Variants in TTC3 observed in about 807,000 individuals in gnomAD.
TTC3 encodes tetratricopeptide repeat domain 3, also known as E3 ubiquitin-protein ligase TTC3.
TTC3 carries 180 observed loss-of-function variants against 249.6 expected under a neutral mutation model. That is an observed-to-expected ratio of 0.72 (90% CI 0.64 to 0.82). The LOEUF (loss-of-function observed/expected upper bound fraction) is 0.82. Among genes scored for constraint, TTC3 ranks in the 40% least tolerant of loss-of-function variants. TTC3 has a pLI of 0.00. For synonymous variants in TTC3, 717 were observed against 805.0 expected, an observed-to-expected ratio of 0.89 and a Z score of 1.85; for missense variants, 2,061 against 2,398.4, an observed-to-expected ratio of 0.86 and a Z score of 2.94.
chr21:37,082,541 T>A, intron 1 of TTC3: 1 of 985,410 alleles, frequency 1.0e-6, no homozygotes, highest in Non-Finnish European at 1.2e-6. Flanking sequence ...TACATTTTGC[T>A]TCTGGCCCAG....
At chr21:37,100,316 AAAAC>A (rs796370128) in intron 10 of TTC3, among the ~76,000 whole-genome samples, 78 of 152,374 alleles carry the variant, frequency 5.1e-4, no homozygotes, top group African/African-American at 1.8e-3. Context: ...GATAAAAAGT[AAAAC>A]AAAATGTAAT....
chr21:37,158,221 C>A, intron 28 of TTC3: 1 of 985,280 alleles, frequency 1.0e-6, no homozygotes, highest in Non-Finnish European at 1.2e-6. Flanking sequence ...AATGCTGTCC[C>A]GGGACTGAGC....
intron 29 of TTC3, among the ~76,000 whole-genome samples, chr21:37,160,277 C>A (rs1355287137): frequency 6.6e-6 from 1 of 152,104 alleles, no homozygotes; most frequent in Non-Finnish European, 1.5e-5. Flanking sequence ...GAGAAAAATG[C>A]CTGTTTACTG....
chr21:37,124,761 T>C lies in TTC3; in HGVS notation c.1233+19T>C, dbSNP rs1394574549. ...TCTAAAGGTAAGCTCCATTGAAAAC[T>C]ACAGTTTTTTTCAAGGATAGATAGT... is the stretch of plus-strand genomic sequence containing the variant. On this transcript the variant is annotated intron_variant, in intron 14 of 45. Coordinates refer to ENST00000355666, the Ensembl canonical transcript of TTC3. The C allele has an allele frequency of 6.2e-7, 1 of 1,605,820 alleles. No homozygotes were observed. The highest frequency in any genetic ancestry group is 8.5e-7 in the Non-Finnish European group (1 of 1,178,338).
chr21:37,123,527 T>C (rs560528941), intron 13 of TTC3, among the ~76,000 whole-genome samples: 1 of 152,310 alleles, frequency 6.6e-6, no homozygotes, highest in African/African-American at 2.4e-5. Flanking sequence ...AAGAAAGCAA[T>C]AGCAGCCAGG....
intron 10 of TTC3, 160 bp from the exon 11 acceptor site, chr21:37,108,232 A>G: frequency 1.8e-6 from 1 of 559,092 alleles, no homozygotes; most frequent in South Asian, 3.8e-5. Flanking sequence ...GTATTTTCCA[A>G]ATTTCCTATA....
At chr21:37,076,505 C>T (rs578122134) in intron 1 of TTC3, among the ~76,000 whole-genome samples, 1 of 152,104 alleles carries the variant, frequency 6.6e-6, no homozygotes, top group Non-Finnish European at 1.5e-5. Flanking sequence ...GAATCAGTTT[C>T]TAGATCATTA....
intron 1 of TTC3, chr21:37,086,889 T>G (rs1427138453): frequency 5.4e-6 from 1 of 185,870 alleles, no homozygotes; most frequent in Non-Finnish European, 1.1e-5. Context: ...AAGATGTCTT[T>G]TCTTCATTCA....
chr21:37,112,701 A>G (rs2075780648), intron 11 of TTC3, among the ~76,000 whole-genome samples: 1 of 152,176 alleles, frequency 6.6e-6, no homozygotes. Flanking sequence ...TGAAGCCAGC[A>G]TCATCCTGAT....
At chr21:37,188,616 T>C in intron 39 of TTC3, 21 bp downstream of exon 39, 1 of 1,587,846 alleles carries the variant, frequency 6.3e-7, no homozygotes, top group African/African-American at 1.3e-5. Flanking sequence ...TTCGTGGGTG[T>C]TCTCAGCACG....
chr21:37,086,955 A>G (rs1236560177), intron 1 of TTC3: 1 of 294,922 alleles, frequency 3.4e-6, no homozygotes, highest in East Asian at 6.4e-5. Flanking sequence ...GATAAATAAG[A>G]TGCCCTTGAT....
intron 11 of TTC3, among the ~76,000 whole-genome samples, chr21:37,112,260 G>A (rs142044234): frequency 0.027 from 4,169 of 152,234 alleles, 81 homozygotes; most frequent in Middle Eastern, 0.044. Context: ...CCAGGAGCTG[G>A]TTTTCTGAAA....
chr21:37,201,320 T>A lies in TTC3; in HGVS notation c.5944-120T>A, dbSNP rs1602233635. 1.4e-5 allele frequency: 18 copies of A among 1,276,256 alleles called. No homozygotes were observed. In the East Asian group the frequency reaches 4.2e-4, roughly 29 times the overall value. 79.1% of individuals were successfully genotyped at this position (1,276,256 alleles called of 1,614,324 possible). A position where few individuals can be genotyped will look rare whatever the true frequency, so the allele number is the denominator to read the frequency against. On this transcript the variant is annotated intron_variant, in intron 45 of 45. Coordinates refer to ENST00000355666, the Ensembl canonical transcript of TTC3. ...TTGGTGTCCCTGAGTATTGGGCAGCTCCAGGCCCAAGAGACCAAGGGCAAG... is the reference window on the plus strand; with the variant it reads ...TTGGTGTCCCTGAGTATTGGGCAGCACCAGGCCCAAGAGACCAAGGGCAAG...
At chr21:37,134,838 T>C (rs576553444) in intron 17 of TTC3, among the ~76,000 whole-genome samples, 36 of 152,362 alleles carry the variant, frequency 2.4e-4, no homozygotes, top group African/African-American at 8.4e-4. Flanking sequence ...CCTATTGTTA[T>C]CTCTCCCAGT....
intron 2 of TTC3, 80 bp from the exon 3 acceptor site, chr21:37,087,753 T>A: frequency 8.9e-7 from 1 of 1,121,144 alleles, no homozygotes; most frequent in East Asian, 2.4e-5. Context: ...GAAAGTTCTT[T>A]GGTTAGTTCT....
At chr21:37,124,441 A>C (rs780687426) in intron 13 of TTC3, among the ~76,000 whole-genome samples, 178 bp from the exon 14 acceptor site, 2 of 151,942 alleles carry the variant, frequency 1.3e-5, no homozygotes, top group African/African-American at 2.4e-5. Flanking sequence ...TATTATTTTG[A>C]GTTTAATGCC....
At chr21:37,158,417 C>G (rs1453006793) in intron 28 of TTC3, among the ~76,000 whole-genome samples, 3 of 152,216 alleles carry the variant, frequency 2.0e-5, no homozygotes, top group Non-Finnish European at 4.4e-5. Flanking sequence ...TTGGCAATCC[C>G]AATGGATTCT....
At chr21:37,157,384 A>G (rs559254393) in intron 28 of TTC3, among the ~76,000 whole-genome samples, 1 of 152,340 alleles carries the variant, frequency 6.6e-6, no homozygotes, top group South Asian at 2.1e-4. Context: ...TTGGTTCATT[A>G]AAAACCCTGT....
chr21:37,101,590 T>TG (rs1342963957), intron 10 of TTC3, among the ~76,000 whole-genome samples: 4 of 152,306 alleles, frequency 2.6e-5, no homozygotes, highest in Admixed American at 1.3e-4. Context: ...ACCCATCCTC[T>TG]GATTCATCTC....
Sources: gnomAD v4.1 joint callset for allele counts (sites outside exome capture counted in the v4.1 genomes callset) on GRCh38, gnomAD v4.1.1 for gene constraint, MANE v1.5 for transcripts, NCBI Gene and HGNC (gene_info 2026-07-23, HGNC 2026-07-21) for gene names.